SSH2: variants seen among roughly 807,000 people sequenced by gnomAD.
The protein encoded by SSH2 is slingshot protein phosphatase 2.
SSH2 carries 37 observed loss-of-function variants against 135.2 expected under a neutral mutation model. The observed-to-expected ratio is 0.27, with a 90% CI of 0.21 to 0.36. The LOEUF (loss-of-function observed/expected upper bound fraction) is 0.36. Among genes scored for constraint, SSH2 ranks in the 10% least tolerant of loss-of-function variants. The pLI is 1.00. For missense variants in SSH2, 1,408 were observed against 1,765.3 expected (o/e 0.80, Z 3.63); for synonymous variants, 628 against 646.2 (o/e 0.97, Z 0.43).
Position 29,636,473 on chromosome 17 carries a change from C to A in SSH2, c.1757G>T (p.Cys586Phe), listed in dbSNP as rs2035919385. The change falls in exon 15 of 16, where the codon TGT (cysteine) becomes TTT (phenylalanine). Residue 586 changes from cysteine to phenylalanine, a missense_variant. By Grantham distance (205) the Cys-to-Phe change is radical. Transcript: ENST00000540801. ...AAGAGGAAATTTTGATTCATTCAGA[C>A]AACACCCTGATGAGCATCCATTGAT... ...NDINGCSSGC[C>F]LNESKFPLDN... 6.2e-7 allele frequency: 1 copy of A among 1,614,094 alleles called. No individual in the cohort carries two copies. The highest frequency in any genetic ancestry group is 1.3e-5 in the African/African-American group (1 of 74,928).
At chr17:29,786,956 C>T (rs1195675146) in intron 3 of SSH2, among the ~76,000 whole-genome samples, 1 of 152,144 alleles carries the variant, frequency 6.6e-6, no homozygotes, top group Non-Finnish European at 1.5e-5. Context: ...GCTAGTATGG[C>T]ATAAATACAT....
intron 3 of SSH2, among the ~76,000 whole-genome samples, chr17:29,754,519 C>T (rs77604271): frequency 1.2e-3 from 186 of 152,046 alleles, no homozygotes; most frequent in African/African-American, 4.3e-3. Context: ...CATATATGAA[C>T]CAAGTAAATA....
intron 3 of SSH2, among the ~76,000 whole-genome samples, chr17:29,746,550 A>T (rs2040770489): frequency 1.7e-5 from 1 of 57,620 alleles, no homozygotes; most frequent in South Asian, 5.0e-4. Context: ...TCTGTCTCAA[A>T]AAAAAAAAAA....
intron 3 of SSH2, among the ~76,000 whole-genome samples, chr17:29,769,017 C>T (rs1414383291): frequency 6.6e-6 from 1 of 151,884 alleles, no homozygotes; most frequent in African/African-American, 2.4e-5. Context: ...GAATTCGAGA[C>T]CAGCCTAGGC....
intron 11 of SSH2, among the ~76,000 whole-genome samples, chr17:29,666,576 G>A (rs915650293): frequency 1.3e-5 from 2 of 151,768 alleles, no homozygotes; most frequent in African/African-American, 2.4e-5. Flanking sequence ...CCAGCTACTC[G>A]GGAGGCTGAG....
intron 3 of SSH2, among the ~76,000 whole-genome samples, chr17:29,716,928 T>C (rs2039644269): frequency 6.6e-6 from 1 of 152,118 alleles, no homozygotes; most frequent in Non-Finnish European, 1.5e-5. Flanking sequence ...CAATTTCTGT[T>C]CTTCATTTAA....
chr17:29,722,724 G>A (rs1390984728), intron 3 of SSH2, among the ~76,000 whole-genome samples: 4 of 152,110 alleles, frequency 2.6e-5, no homozygotes, highest in African/African-American at 4.8e-5. Context: ...AAAAAGGACC[G>A]AAAAGTGGGG....
chr17:29,664,773 G>A (rs750385246), intron 11 of SSH2, among the ~76,000 whole-genome samples: 33 of 152,120 alleles, frequency 2.2e-4, no homozygotes, highest in Non-Finnish European at 4.4e-4. Flanking sequence ...TAGTTGATTA[G>A]AGAAATGTAA....
chr17:29,701,057 G>A (rs947056302), intron 4 of SSH2, among the ~76,000 whole-genome samples: 5 of 150,688 alleles, frequency 3.3e-5, no homozygotes, highest in Admixed American at 6.6e-5. Flanking sequence ...TGCAAGCTCC[G>A]CCTCCCGGGT....
chr17:29,841,994 A>C (rs1422768891), intron 2 of SSH2, among the ~76,000 whole-genome samples: 8 of 139,670 alleles, frequency 5.7e-5, no homozygotes, highest in African/African-American at 2.1e-4. Flanking sequence ...TCAGCCTCCC[A>C]AAGTGCTGGG....
At chr17:29,898,561 C>T (rs1360919271) in intron 1 of SSH2, among the ~76,000 whole-genome samples, 3 of 151,942 alleles carry the variant, frequency 2.0e-5, no homozygotes, top group Admixed American at 6.6e-5. Context: ...ACACATACAC[C>T]CTCCCAAGAC....
intron 14 of SSH2, chr17:29,643,345 G>A (rs968106183): frequency 1.6e-5 from 14 of 880,084 alleles, no homozygotes; most frequent in Non-Finnish European, 1.9e-5. Context: ...TTTGATTTGG[G>A]TGTTCACTGT....
At chr17:29,648,394 A>G in intron 13 of SSH2, 50 bp from the exon 14 acceptor site, 1 of 1,455,622 alleles carries the variant, frequency 6.9e-7, no homozygotes, top group Non-Finnish European at 9.2e-7. Flanking sequence ...AATAGTGGGG[A>G]TATTTTAAAA....
At chr17:29,794,050 T>C (rs2042117973) in intron 2 of SSH2, 113 bp from the exon 3 acceptor site, 2 of 805,684 alleles carry the variant, frequency 2.5e-6, no homozygotes, top group Admixed American at 2.7e-5. Flanking sequence ...AAATTACTCA[T>C]GTTGTATACT....
chr17:29,900,023 C>A (rs1325375525), intron 1 of SSH2, among the ~76,000 whole-genome samples: 2 of 152,018 alleles, frequency 1.3e-5, no homozygotes, highest in African/African-American at 2.4e-5. Context: ...GAAAAACAAG[C>A]AATGGGGAAA....
At chr17:29,680,880 C>T (rs1355932798) in intron 6 of SSH2, among the ~76,000 whole-genome samples, 1 of 151,888 alleles carries the variant, frequency 6.6e-6, no homozygotes, top group Non-Finnish European at 1.5e-5. Flanking sequence ...GTTGGTAGCC[C>T]AATGACAAAT....
Position 29,684,471 on chromosome 17 carries a change from C to T in SSH2, c.479+92G>A, listed in dbSNP as rs889541967. On this transcript the variant is annotated intron_variant, in intron 6 of 15. Coordinates refer to ENST00000540801, the MANE Select transcript of SSH2 (RefSeq NM_001282129.2). Reference sequence around the variant, plus strand: ...TAGTCTGGGCAACAGAGTGATGACACTCCGTCCCCATTAAAAAAAAAAAAA... The same window carrying T: ...TAGTCTGGGCAACAGAGTGATGACATTCCGTCCCCATTAAAAAAAAAAAAA... 1.7e-4 allele frequency: 210 copies of T among 1,241,642 alleles called. 1 individual carries two copies. Among genetic ancestry groups the T allele is most frequent in the Non-Finnish European group, 2.1e-4 (195 of 912,136 alleles). 76.9% of individuals were successfully genotyped at this position (1,241,642 alleles called of 1,614,324 possible). A position where few individuals can be genotyped will look rare whatever the true frequency, so the allele number is the denominator to read the frequency against.
chr17:29,838,075 C>G (rs1332504272), intron 2 of SSH2, among the ~76,000 whole-genome samples: 1 of 152,274 alleles, frequency 6.6e-6, no homozygotes, highest in Non-Finnish European at 1.5e-5. Flanking sequence ...AGGAAGGTCC[C>G]TCCTTCCCCA....
chr17:29,716,165 C>A (rs187326298), intron 3 of SSH2: 165 of 194,852 alleles, frequency 8.5e-4, no homozygotes, highest in Middle Eastern at 6.6e-3. Flanking sequence ...TACTTCTCCT[C>A]AGCCTGGAAA....
Sources: gnomAD v4.1 joint callset for allele counts (sites outside exome capture counted in the v4.1 genomes callset) on GRCh38, gnomAD v4.1.1 for gene constraint, MANE v1.5 for transcripts, NCBI Gene and HGNC (gene_info 2026-07-23, HGNC 2026-07-21) for gene names.